Variants in TMEFF2 observed in about 807,000 individuals in gnomAD.
TMEFF2 encodes the protein tomoregulin-2.
In TMEFF2, 28 loss-of-function variants were observed where a neutral mutation model predicts 53.8. The observed-to-expected ratio is 0.52, with a 90% confidence interval of 0.39 to 0.71. TMEFF2 has a LOEUF of 0.71. TMEFF2 is among the 30% of genes least tolerant of loss of function. The pLI, the probability that TMEFF2 is intolerant of heterozygous loss-of-function variation, is 0.00. For missense variants in TMEFF2, 353 were observed against 455.2 expected (o/e 0.78, Z 2.04); for synonymous variants, 162 against 166.3 (o/e 0.97, Z 0.20).
intron 5 of TMEFF2, chr2:192,031,927 A>G (rs1386692140): frequency 1.3e-5 from 2 of 152,218 alleles, no homozygotes; most frequent in East Asian, 3.9e-4. Context: ...TTCAGATAAT[A>G]TACTTACTTA....
At chr2:192,146,337 C>T (rs1399375627) in intron 4 of TMEFF2, among the ~76,000 whole-genome samples, 3 of 151,852 alleles carry the variant, frequency 2.0e-5, no homozygotes, top group African/African-American at 7.3e-5. Context: ...AAATATTGGG[C>T]TAGATTAAAA....
At chr2:192,073,925 T>C (rs901799096) in intron 4 of TMEFF2, among the ~76,000 whole-genome samples, 1 of 151,956 alleles carries the variant, frequency 6.6e-6, no homozygotes, top group Non-Finnish European at 1.5e-5. Flanking sequence ...ACACCATACA[T>C]AAAAATGTTC....
intron 4 of TMEFF2, among the ~76,000 whole-genome samples, chr2:192,072,888 C>T (rs1489903008): frequency 6.6e-6 from 1 of 151,782 alleles, no homozygotes; most frequent in Admixed American, 6.6e-5. Flanking sequence ...ATAGGAATAC[C>T]TTCCACCAGC....
chr2:191,976,889 G>C (rs1685742566), intron 7 of TMEFF2, among the ~76,000 whole-genome samples: 2 of 152,152 alleles, frequency 1.3e-5, no homozygotes, highest in African/African-American at 4.8e-5. Flanking sequence ...ATTTTCGTTT[G>C]TTTTCCTTTT....
At chr2:192,151,356 C>A (rs1323413332) in intron 4 of TMEFF2, among the ~76,000 whole-genome samples, 1 of 151,854 alleles carries the variant, frequency 6.6e-6, no homozygotes, top group Non-Finnish European at 1.5e-5. Flanking sequence ...TATCTAGTAA[C>A]TTTTGAGAAC....
At chr2:192,091,603 GTC>G (rs1559122324) in intron 4 of TMEFF2, among the ~76,000 whole-genome samples, 2 of 152,094 alleles carry the variant, frequency 1.3e-5, no homozygotes, top group African/African-American at 2.4e-5. Flanking sequence ...AAAGTGGACT[GTC>G]TCTGTAACAT....
chr2:192,014,353 C>A (rs1686699764), intron 5 of TMEFF2, among the ~76,000 whole-genome samples: 1 of 152,220 alleles, frequency 6.6e-6, no homozygotes, highest in East Asian at 1.9e-4. Flanking sequence ...TATATACATT[C>A]TTAGTATTAA....
intron 4 of TMEFF2, among the ~76,000 whole-genome samples, chr2:192,110,774 A>AC (rs1299226538): frequency 6.6e-6 from 1 of 152,062 alleles, no homozygotes; most frequent in African/African-American, 2.4e-5. Flanking sequence ...CTGTGTCCCC[A>AC]CCCAAATCTC....
chr2:192,011,061 C>A (rs1302924795), intron 5 of TMEFF2, among the ~76,000 whole-genome samples: 1 of 152,130 alleles, frequency 6.6e-6, no homozygotes. Context: ...TTGCAAGATT[C>A]ATGGGTCTAT....
chr2:192,154,671 G>T (rs140859664), intron 4 of TMEFF2, among the ~76,000 whole-genome samples: 2,169 of 151,984 alleles, frequency 0.014, 46 homozygotes, highest in African/African-American at 0.049. Context: ...TAGCAGGTAC[G>T]TTCTTTTCTC....
chr2:192,116,394 G>A (rs973346009), intron 4 of TMEFF2, among the ~76,000 whole-genome samples: 9 of 151,962 alleles, frequency 5.9e-5, no homozygotes, highest in African/African-American at 2.2e-4. Flanking sequence ...ATAAGTTCTA[G>A]AGACAAAATG....
chr2:191,960,115 C>T (rs1196125181), intron 7 of TMEFF2, among the ~76,000 whole-genome samples: 1 of 152,014 alleles, frequency 6.6e-6, no homozygotes, highest in Non-Finnish European at 1.5e-5. Flanking sequence ...TCAAGTGATC[C>T]ACCTGCCTCA....
At chr2:191,984,300 T>TG (rs1178147314) in intron 7 of TMEFF2, among the ~76,000 whole-genome samples, 2 of 152,186 alleles carry the variant, frequency 1.3e-5, no homozygotes, top group East Asian at 3.9e-4. Flanking sequence ...CCAAATAAAT[T>TG]TAAAAACAGG....
At chr2:191,985,795 T>C (rs908659742) in intron 7 of TMEFF2, among the ~76,000 whole-genome samples, 4 of 152,204 alleles carry the variant, frequency 2.6e-5, no homozygotes, top group African/African-American at 9.7e-5. Context: ...TTTAAACAAA[T>C]ATCCTCACTG....
chr2:192,072,432 A>G (rs897603150), intron 4 of TMEFF2, among the ~76,000 whole-genome samples: 5 of 151,620 alleles, frequency 3.3e-5, no homozygotes, highest in African/African-American at 7.3e-5. Flanking sequence ...CCAAAAGGGG[A>G]AAAAAAAGCA....
intron 4 of TMEFF2, among the ~76,000 whole-genome samples, chr2:192,095,832 T>C (rs1056350454): frequency 3.3e-5 from 5 of 152,148 alleles, no homozygotes; most frequent in Non-Finnish European, 7.3e-5. Context: ...ACAAAATATT[T>C]AGCAAATAAA....
At chr2:192,147,454 A>G (rs6724642) in intron 4 of TMEFF2, among the ~76,000 whole-genome samples, 303 of 151,860 alleles carry the variant, frequency 2.0e-3, no homozygotes, top group Non-Finnish European at 3.5e-3. Context: ...TACGTTAGGT[A>G]TATCTCCTAA....
At chr2:192,076,028 T>C (rs975644732) in intron 4 of TMEFF2, among the ~76,000 whole-genome samples, 1 of 151,866 alleles carries the variant, frequency 6.6e-6, no homozygotes, top group Non-Finnish European at 1.5e-5. Flanking sequence ...ACCTCTGTGG[T>C]CTCTCTGTGG....
At chr2:191,950,546 G>T in intron 9 of TMEFF2, 139 bp from the exon 10 acceptor site, 1 of 1,254,322 alleles carries the variant, frequency 8.0e-7, no homozygotes, top group Non-Finnish European at 1.1e-6. Context: ...GTAGAAGCTT[G>T]GATTATTTTG....
Sources: allele counts gnomAD v4.1 joint callset (sites outside exome capture counted in the v4.1 genomes callset), GRCh38; gene constraint gnomAD v4.1.1; transcripts MANE v1.5; gene names NCBI Gene and HGNC (gene_info 2026-07-23, HGNC 2026-07-21).